The following SLC24A2 variants were observed in gnomAD, a reference collection of about 807,000 sequenced individuals.
SLC24A2 encodes the protein solute carrier family 24 member 2.
In SLC24A2, 36 loss-of-function variants were observed where a neutral mutation model predicts 62.0. That is an observed-to-expected ratio of 0.58 (90% CI 0.44 to 0.77). SLC24A2 has a LOEUF of 0.77. Ranked by LOEUF, SLC24A2 falls within the 30% of genes least tolerant of loss-of-function variation. SLC24A2 has a pLI of 0.00. For synonymous variants in SLC24A2, 358 were observed against 294.0 expected (o/e 1.22, Z -2.23); for missense variants, 846 against 817.9 (o/e 1.03, Z -0.42).
At chr9:20,200,459 G>A in the SLC24A2 span, among the ~76,000 whole-genome samples, 98 of 152,282 alleles carry the variant, frequency 6.4e-4, no homozygotes, top group African/African-American at 1.3e-3. Flanking sequence ...AATTTATCCC[G>A]CTAAACCCAC....
At chr9:19,867,279 A>C in the SLC24A2 span, among the ~76,000 whole-genome samples, 2 of 152,188 alleles carry the variant, frequency 1.3e-5, no homozygotes, top group African/African-American at 4.8e-5. Flanking sequence ...TAAGTAGCTT[A>C]TAGAATTCAT....
At chr9:19,543,591 A>G (rs959082219) in intron 8 of SLC24A2, among the ~76,000 whole-genome samples, 23 of 152,144 alleles carry the variant, frequency 1.5e-4, no homozygotes, top group African/African-American at 5.6e-4. Flanking sequence ...TTCCCTCTAC[A>G]CAGTGCTTTA....
chr9:19,824,897 A>G, the SLC24A2 span, among the ~76,000 whole-genome samples: 1 of 152,118 alleles, frequency 6.6e-6, no homozygotes, highest in Non-Finnish European at 1.5e-5. Flanking sequence ...GGAAACCATC[A>G]TTTTCAGCAA....
the SLC24A2 span, among the ~76,000 whole-genome samples, chr9:20,282,929 G>C: frequency 5.3e-5 from 8 of 152,162 alleles, no homozygotes; most frequent in African/African-American, 1.2e-4. Flanking sequence ...ACACACCTCT[G>C]ATTATTTCTT....
At chr9:19,969,929 TGA>T in the SLC24A2 span, among the ~76,000 whole-genome samples, 3 of 152,256 alleles carry the variant, frequency 2.0e-5, no homozygotes, top group East Asian at 5.8e-4. Context: ...TGCAAGAGTG[TGA>T]GTCAGTGACA....
chr9:20,273,628 T>G, the SLC24A2 span, among the ~76,000 whole-genome samples: 2 of 152,208 alleles, frequency 1.3e-5, no homozygotes, highest in African/African-American at 4.8e-5. Context: ...TTGCTCCTCC[T>G]TGCCTTCCAC....
intron 2 of SLC24A2, among the ~76,000 whole-genome samples, chr9:19,759,777 CTTCT>C (rs1822260765): frequency 6.6e-6 from 1 of 152,148 alleles, no homozygotes; most frequent in African/African-American, 2.4e-5. Context: ...AGTTCACTGA[CTTCT>C]TTCTATGTTT....
chr9:19,560,519 G>A (rs1029683467), intron 7 of SLC24A2, among the ~76,000 whole-genome samples: 3 of 152,176 alleles, frequency 2.0e-5, no homozygotes, highest in East Asian at 1.9e-4. Flanking sequence ...GGAAAGCCAC[G>A]TGAAGACATA....
chr9:19,690,247 C>T (rs956405407), intron 2 of SLC24A2, among the ~76,000 whole-genome samples: 7 of 152,050 alleles, frequency 4.6e-5, no homozygotes, highest in Admixed American at 3.3e-4. Context: ...CTCTGGAGAG[C>T]TCTGACTAAT....
the SLC24A2 span, among the ~76,000 whole-genome samples, chr9:20,110,565 G>C: frequency 6.6e-6 from 1 of 150,604 alleles, no homozygotes; most frequent in African/African-American, 2.4e-5. Context: ...TCCTTTTCTT[G>C]GTCTCCAAAC....
intron 2 of SLC24A2, among the ~76,000 whole-genome samples, chr9:19,718,862 ACT>A (rs1347075624): frequency 6.6e-6 from 1 of 151,612 alleles, no homozygotes; most frequent in African/African-American, 2.4e-5. Flanking sequence ...TTCCCTCATG[ACT>A]CTCTCTGAAT....
chr9:19,560,879 T>TTGTGTGTGTGTGTGTGTGTGTG (rs779469797), intron 7 of SLC24A2, among the ~76,000 whole-genome samples: 1 of 137,068 alleles, frequency 7.3e-6, no homozygotes, highest in Non-Finnish European at 1.6e-5. Flanking sequence ...GTCTTTGCAT[T>TTGTGTGTGTGTGTGTGTGTGTG]TGTGTGTGTG....
chr9:19,560,453 GCTCT>G (rs760636226), intron 7 of SLC24A2, among the ~76,000 whole-genome samples: 1 of 152,148 alleles, frequency 6.6e-6, no homozygotes, highest in African/African-American at 2.4e-5. Flanking sequence ...GAAGGCTTGT[GCTCT>G]CTCTCTGTCT....
upstream of SLC24A2, among the ~76,000 whole-genome samples, chr9:19,790,870 GT>G (rs1484642841): frequency 6.6e-6 from 1 of 152,088 alleles, no homozygotes; most frequent in Non-Finnish European, 1.5e-5. Flanking sequence ...GTCTAGAAGA[GT>G]TTTTCTTATG....
intron 2 of SLC24A2, among the ~76,000 whole-genome samples, chr9:19,784,760 A>G (rs1823112068): frequency 6.6e-6 from 1 of 152,202 alleles, no homozygotes; most frequent in Admixed American, 6.5e-5. Flanking sequence ...ATAGTTTCTA[A>G]CAAACAAGCA....
At chr9:19,621,753 C>A (rs1817914402) in intron 3 of SLC24A2, among the ~76,000 whole-genome samples, 1 of 152,120 alleles carries the variant, frequency 6.6e-6, no homozygotes, top group Non-Finnish European at 1.5e-5. Context: ...GTGTGGAGAT[C>A]TTCATTTGAA....
chr9:20,174,749 G>C, the SLC24A2 span, among the ~76,000 whole-genome samples: 3 of 152,002 alleles, frequency 2.0e-5, no homozygotes, highest in Admixed American at 6.6e-5. Flanking sequence ...TACATTGCTT[G>C]TGGGAGTGTA....
At chr9:19,634,597 G>T (rs919460466) in intron 2 of SLC24A2, among the ~76,000 whole-genome samples, 1 of 152,038 alleles carries the variant, frequency 6.6e-6, no homozygotes, top group African/African-American at 2.4e-5. Flanking sequence ...CAAAACCACA[G>T]CCTCTTAATG....
chr9:19,846,824 C>T, the SLC24A2 span, among the ~76,000 whole-genome samples: 1 of 151,938 alleles, frequency 6.6e-6, no homozygotes, highest in African/African-American at 2.4e-5. Flanking sequence ...CCCAGTAGTT[C>T]AGTAACAGCA....
Sources: gnomAD v4.1 joint callset for allele counts (sites outside exome capture counted in the v4.1 genomes callset) on GRCh38, gnomAD v4.1.1 for gene constraint, MANE v1.5 for transcripts, NCBI Gene and HGNC (gene_info 2026-07-23, HGNC 2026-07-21) for gene names.